Variants in BRMS1L observed in about 807,000 individuals in gnomAD.
The protein encoded by BRMS1L is BRMS1 like transcriptional repressor.
BRMS1L carries 23 observed loss-of-function variants against 50.3 expected under a neutral mutation model. The observed-to-expected ratio is 0.46, with a 90% CI of 0.33 to 0.65. The LOEUF (loss-of-function observed/expected upper bound fraction) is 0.65. BRMS1L is among the 30% of genes least tolerant of loss of function. The pLI, the probability that BRMS1L is intolerant of heterozygous loss-of-function variation, is 0.02. For synonymous variants in BRMS1L, 114 were observed against 126.9 expected, an observed-to-expected ratio of 0.90 and a Z score of 0.69; for missense variants, 286 against 386.1, an observed-to-expected ratio of 0.74 and a Z score of 2.17.
At chr14:35,826,761 G>T in intron 1 of BRMS1L, 103 bp downstream of exon 1, 1 of 1,502,640 alleles carries the variant, frequency 6.7e-7, no homozygotes, top group African/African-American at 1.4e-5. Context: ...GCGGGGCGGG[G>T]ACAGAGGGAA....
intron 4 of BRMS1L, among the ~76,000 whole-genome samples, chr14:35,860,156 G>A (rs1296133470): frequency 6.6e-6 from 1 of 151,886 alleles, no homozygotes; most frequent in Non-Finnish European, 1.5e-5. Flanking sequence ...TTGAGACAGA[G>A]TCTTGCTCTG....
intron 1 of BRMS1L, 71 bp from the exon 2 acceptor site, chr14:35,831,339 A>G (rs992016897): frequency 4.2e-5 from 43 of 1,035,790 alleles, no homozygotes; most frequent in Non-Finnish European, 6.1e-5. Flanking sequence ...AATTACGTTC[A>G]GATATATTTG....
intron 4 of BRMS1L, among the ~76,000 whole-genome samples, chr14:35,837,950 T>G (rs988993058): frequency 6.6e-6 from 1 of 152,204 alleles, no homozygotes; most frequent in Admixed American, 6.5e-5. Flanking sequence ...GGTATACATG[T>G]GCCATGGTGG....
intron 4 of BRMS1L, among the ~76,000 whole-genome samples, chr14:35,859,649 A>G (rs2078324845): frequency 6.6e-6 from 1 of 151,928 alleles, no homozygotes; most frequent in Admixed American, 6.6e-5. Flanking sequence ...GTATTTATTT[A>G]TTTGAATTTT....
At chr14:35,842,449 T>C (rs907254920) in intron 4 of BRMS1L, among the ~76,000 whole-genome samples, 16 of 152,232 alleles carry the variant, frequency 1.1e-4, no homozygotes, top group Non-Finnish European at 1.0e-4. Flanking sequence ...TTAGTTTGGC[T>C]GGGTATGAAA....
rs1408236915 is a variant in BRMS1L at position 35,826,513 on chromosome 14, G to GA, written c.1dup. ...GTAGTGGAAAGCGACGGCGCGGCTG[G>GA]AAAATGCCAGTCCATTCCCGAGGGG... is the stretch of plus-strand genomic sequence containing the variant. On this transcript the variant is annotated 5_prime_UTR_variant, in exon 1 of 10. Coordinates refer to ENST00000216807, the MANE Select transcript of BRMS1L (RefSeq NM_032352.4). 1.5e-5 allele frequency: 23 copies of GA among 1,580,876 alleles called. No homozygotes were observed. Among genetic ancestry groups the GA allele is most frequent in the East Asian group, 2.3e-5 (1 of 43,610 alleles).
chr14:35,834,794 A>G (rs1269156582), intron 3 of BRMS1L, 50 bp from the exon 4 acceptor site: 1 of 1,308,002 alleles, frequency 7.6e-7, no homozygotes, highest in Non-Finnish European at 1.0e-6. Flanking sequence ...GGAAGTGATA[A>G]TGGAACTTCT....
intron 2 of BRMS1L, 38 bp from the exon 3 acceptor site, chr14:35,832,940 G>A: frequency 6.4e-7 from 1 of 1,554,692 alleles, no homozygotes; most frequent in Non-Finnish European, 8.8e-7. Flanking sequence ...CCTTTGTTGA[G>A]ATTTTTAAAT....
chr14:35,851,511 C>G (rs2078211074), intron 4 of BRMS1L, among the ~76,000 whole-genome samples: 1 of 152,078 alleles, frequency 6.6e-6, no homozygotes, highest in Non-Finnish European at 1.5e-5. Flanking sequence ...AAAAAACCTA[C>G]AGGAGACCTA....
chr14:35,840,359 G>A (rs1307688410), intron 4 of BRMS1L, among the ~76,000 whole-genome samples: 1 of 152,052 alleles, frequency 6.6e-6, no homozygotes, highest in African/African-American at 2.4e-5. Flanking sequence ...GCCAAATTTT[G>A]GTATCAGGAT....
chr14:35,837,388 G>A (rs1409014873), intron 4 of BRMS1L, among the ~76,000 whole-genome samples: 1 of 151,956 alleles, frequency 6.6e-6, no homozygotes, highest in African/African-American at 2.4e-5. Flanking sequence ...TATATCAAAT[G>A]CCCATATATG....
rs1489222817 is a variant in BRMS1L, at chr14:35,826,673, G to C, written c.142+15G>C. On this transcript the variant is annotated intron_variant, in intron 1 of 9. Transcript: ENST00000216807. Reference sequence around the variant, plus strand: ...AGATAGCTCAGGTGCGCGACCCACTGCTGGGACCCTGAGTCCCCGCGCCCA... The same window carrying C: ...AGATAGCTCAGGTGCGCGACCCACTCCTGGGACCCTGAGTCCCCGCGCCCA... 2.5e-6 allele frequency: 4 copies of C among 1,609,142 alleles called. No homozygotes were observed. The highest frequency in any genetic ancestry group is 2.2e-5 in the East Asian group (1 of 44,748).
chr14:35,852,887 T>C (rs369447993), intron 4 of BRMS1L, among the ~76,000 whole-genome samples: 1 of 151,908 alleles, frequency 6.6e-6, no homozygotes, highest in African/African-American at 2.4e-5. Context: ...GCCGAGATAG[T>C]GTCACTGCTG....
At chr14:35,856,611 T>C (rs371646064) in intron 4 of BRMS1L, among the ~76,000 whole-genome samples, 1 of 149,414 alleles carries the variant, frequency 6.7e-6, no homozygotes, top group Non-Finnish European at 1.5e-5. Context: ...TACATTTTTT[T>C]GGGGGGGGGT....
At position 35,867,376 on chromosome 14, in the gene BRMS1L, A is replaced by G. The variant is rs2078435475; in HGVS notation, c.728-530A>G. On this transcript the variant is annotated intron_variant, in intron 8 of 9. Transcript: ENST00000216807. ...GGTATGCTTTTGACACTGTGTTTCC[A>G]TAAAAAAGATTTTTTTTTCCTGTAT... Among the ~76,000 whole-genome samples the G allele has an allele frequency of 2.0e-5, 3 of 152,170 alleles. No individual in the cohort carries two copies. The South Asian group carries it at 6.2e-4, about 32-fold the overall frequency.
chr14:35,867,753 A>T lies in BRMS1L; in HGVS notation c.728-153A>T, dbSNP rs573014880. ...ATTATGTAAAAGAATGTAAGGAATA[A>T]ATCTTTTTATTACATTTTAGGTTTG... On this transcript the variant is annotated intron_variant, in intron 8 of 9. Transcript: ENST00000216807. 26 of 610,988 alleles carry T rather than the reference A, an allele frequency of 4.3e-5. No homozygotes were observed. The South Asian group carries it at 1.2e-3, about 27-fold the overall frequency. 37.8% of individuals were successfully genotyped at this position (610,988 alleles called of 1,614,324 possible).
Position 35,843,624 on chromosome 14 carries a change from G to A in BRMS1L, c.441+8701G>A, listed in dbSNP as rs936012996. Among the ~76,000 whole-genome samples, 8 of 152,312 alleles carry A rather than the reference G, an allele frequency of 5.3e-5. No homozygotes were observed. In the East Asian group the frequency reaches 5.8e-4, roughly 11 times the overall value. ...CCTGTATGAGGTGTCTGTCCACCCC[G>A]GCTGGGAGGTGTCTCCCAGTCTGGA... On this transcript the variant is annotated intron_variant, in intron 4 of 9. Transcript: ENST00000216807.
At chr14:35,826,742 G>C (rs944000546) in intron 1 of BRMS1L, 84 bp downstream of exon 1, 1 of 1,552,450 alleles carries the variant, frequency 6.4e-7, no homozygotes, top group Non-Finnish European at 8.7e-7. Context: ...GCTGCGTCCT[G>C]CTGGGAAAGC....
intron 4 of BRMS1L, among the ~76,000 whole-genome samples, chr14:35,852,313 C>T (rs1301110282): frequency 6.6e-6 from 1 of 152,184 alleles, no homozygotes; most frequent in Non-Finnish European, 1.5e-5. Context: ...TCAAGTGATC[C>T]TCCCAAGTCA....
Sources: allele counts gnomAD v4.1 joint callset (sites outside exome capture counted in the v4.1 genomes callset), GRCh38; gene constraint gnomAD v4.1.1; transcripts MANE v1.5; gene names NCBI Gene and HGNC (gene_info 2026-07-23, HGNC 2026-07-21).